PRKCE: variants seen among roughly 807,000 people sequenced by gnomAD.
PRKCE encodes the protein protein kinase C epsilon type.
A neutral mutation model predicts 85.4 loss-of-function variants in PRKCE; 16 were observed. The ratio of observed to expected loss-of-function variants is 0.19; its 90% confidence interval spans 0.13 to 0.28. The LOEUF (loss-of-function observed/expected upper bound fraction) is 0.28. PRKCE is among the 10% of genes least tolerant of loss of function. PRKCE has a pLI of 1.00. For synonymous variants in PRKCE, 388 were observed against 371.5 expected, an observed-to-expected ratio of 1.04 and a Z score of -0.51; for missense variants, 573 against 975.2, an observed-to-expected ratio of 0.59 and a Z score of 5.49.
At position 45,767,552 on chromosome 2, in the gene PRKCE, T is replaced by C. The variant is rs891508673; in HGVS notation, c.349-75448T>C. Reference sequence around the variant, plus strand: ...GAAGGCACTGGTTTGGGCTTTGTAATACTGAAGGCTTTACACCCAGAAGAA... The same window carrying C: ...GAAGGCACTGGTTTGGGCTTTGTAACACTGAAGGCTTTACACCCAGAAGAA... On this transcript the variant is annotated intron_variant, in intron 1 of 14. Transcript: ENST00000306156. Among the ~76,000 whole-genome samples the C allele has an allele frequency of 6.6e-5, 10 of 152,252 alleles. 1 individual carries two copies. Among genetic ancestry groups the C allele is most frequent in the African/African-American group, 2.4e-4 (10 of 41,468 alleles).
At chr2:45,974,798 G>A (rs1035473861) in intron 2 of PRKCE, among the ~76,000 whole-genome samples, 7 of 152,126 alleles carry the variant, frequency 4.6e-5, no homozygotes, top group African/African-American at 1.2e-4. Context: ...TCAGGCACTC[G>A]CTGATGCCTG....
At chr2:45,710,210 A>T (rs1679498157) in intron 1 of PRKCE, among the ~76,000 whole-genome samples, 1 of 152,250 alleles carries the variant, frequency 6.6e-6, no homozygotes, top group South Asian at 2.1e-4. Flanking sequence ...TGATGTAGGT[A>T]CTATCACTAT....
intron 11 of PRKCE, among the ~76,000 whole-genome samples, chr2:46,117,741 A>G (rs1252830849): frequency 1.3e-5 from 2 of 152,202 alleles, no homozygotes; most frequent in Non-Finnish European, 2.9e-5. Flanking sequence ...ACTTGGGAAA[A>G]CACATAGGAA....
At chr2:45,728,464 C>T (rs73926038) in intron 1 of PRKCE, among the ~76,000 whole-genome samples, 36 of 152,292 alleles carry the variant, frequency 2.4e-4, no homozygotes, top group African/African-American at 7.2e-4. Flanking sequence ...CCCAAACACA[C>T]GCACTCTTCA....
At chr2:45,869,049 G>A (rs1236298576) in intron 2 of PRKCE, among the ~76,000 whole-genome samples, 1 of 152,052 alleles carries the variant, frequency 6.6e-6, no homozygotes, top group Non-Finnish European at 1.5e-5. Flanking sequence ...GCGTGGTCAG[G>A]CAAAGAAAAA....
intron 1 of PRKCE, among the ~76,000 whole-genome samples, chr2:45,720,633 G>C (rs911707588): frequency 6.6e-6 from 1 of 152,148 alleles, no homozygotes; most frequent in Non-Finnish European, 1.5e-5. Context: ...CCTCTGGTGA[G>C]ACCCAAACTT....
In PRKCE at chr2:45,984,589, G is replaced by A. The variant is rs781493673; in HGVS notation, c.732G>A (p.Lys244=). ...SQRFSVNMPH[K]FGIHNYKVPT... Reference sequence around the variant, plus strand: ...GGTTCAGCGTCAACATGCCCCACAAGTTCGGTATCCACAACTACAAGGTCC... The same window carrying A: ...GGTTCAGCGTCAACATGCCCCACAAATTCGGTATCCACAACTACAAGGTCC... The change falls in exon 6 of 15, where the codon AAG becomes AAA. Residue 244 remains lysine (K), a synonymous_variant. Coordinates refer to ENST00000306156, the MANE Select transcript of PRKCE (RefSeq NM_005400.3). The A allele has an allele frequency of 2.5e-6, 4 of 1,599,818 alleles. No individual in the cohort carries two copies. Among genetic ancestry groups the A allele is most frequent in the Non-Finnish European group, 3.4e-6 (4 of 1,179,918 alleles).
intron 10 of PRKCE, among the ~76,000 whole-genome samples, chr2:46,046,304 G>A (rs1055014090): frequency 2.0e-5 from 3 of 152,188 alleles, no homozygotes; most frequent in Non-Finnish European, 4.4e-5. Context: ...CTAGCCGTTG[G>A]ATATAGGCTC....
At chr2:46,022,336 A>C (rs1056992592) in intron 10 of PRKCE, among the ~76,000 whole-genome samples, 1 of 152,222 alleles carries the variant, frequency 6.6e-6, no homozygotes, top group African/African-American at 2.4e-5. Flanking sequence ...GACCTGTGAC[A>C]ATGCAATTCA....
At chr2:45,965,677 T>A (rs1480435832) in intron 2 of PRKCE, among the ~76,000 whole-genome samples, 1 of 152,248 alleles carries the variant, frequency 6.6e-6, no homozygotes, top group East Asian at 1.9e-4. Context: ...CCTAGAACAT[T>A]GCCTGGAATC....
At chr2:45,773,313 C>T (rs542784779) in intron 1 of PRKCE, among the ~76,000 whole-genome samples, 2 of 152,278 alleles carry the variant, frequency 1.3e-5, no homozygotes, top group Admixed American at 6.5e-5. Flanking sequence ...TTCTGGCCAG[C>T]TGTGTGACAT....
At chr2:45,781,302 A>C (rs1443322498) in intron 1 of PRKCE, among the ~76,000 whole-genome samples, 1 of 152,212 alleles carries the variant, frequency 6.6e-6, no homozygotes, top group Non-Finnish European at 1.5e-5. Flanking sequence ...GCACCATTGC[A>C]TTCCGGCATG....
At chr2:45,881,014 G>A (rs1253679163) in intron 2 of PRKCE, among the ~76,000 whole-genome samples, 4 of 151,386 alleles carry the variant, frequency 2.6e-5, no homozygotes, top group South Asian at 2.1e-4. Context: ...TTAGCTGGGC[G>A]TAGTGGCGGG....
intron 9 of PRKCE, among the ~76,000 whole-genome samples, chr2:46,009,153 T>C (rs1705451089): frequency 6.6e-6 from 1 of 152,192 alleles, no homozygotes; most frequent in Non-Finnish European, 1.5e-5. Context: ...TTAGCTCTCT[T>C]GAAAAGGAAT....
At chr2:46,024,672 G>A (rs1270475410) in intron 10 of PRKCE, among the ~76,000 whole-genome samples, 3 of 152,152 alleles carry the variant, frequency 2.0e-5, no homozygotes, top group Admixed American at 1.3e-4. Flanking sequence ...GAAGGAGGGT[G>A]GAAGGTCCAG....
intron 2 of PRKCE, among the ~76,000 whole-genome samples, chr2:45,874,237 TC>T (rs1243891314): frequency 1.3e-5 from 2 of 152,206 alleles, no homozygotes. Context: ...TTCTCCTGGT[TC>T]CTCCCTTCAT....
intron 2 of PRKCE, among the ~76,000 whole-genome samples, chr2:45,886,742 C>A (rs777229210): frequency 6.6e-6 from 1 of 152,140 alleles, no homozygotes; most frequent in Admixed American, 6.5e-5. Context: ...AGCTCGTAAA[C>A]CTTTTTCTTT....
intron 2 of PRKCE, among the ~76,000 whole-genome samples, chr2:45,949,613 C>T (rs1242433974): frequency 6.6e-6 from 1 of 151,422 alleles, no homozygotes; most frequent in Non-Finnish European, 1.5e-5. Flanking sequence ...TTTAATAAAT[C>T]TTCCCCTATC....
intron 1 of PRKCE, among the ~76,000 whole-genome samples, chr2:45,653,450 G>T (rs905599030): frequency 7.8e-6 from 1 of 128,158 alleles, no homozygotes; most frequent in Non-Finnish European, 1.6e-5. Flanking sequence ...GTGTTTTCAG[G>T]TTTGTTACAT....
Sources: gnomAD v4.1 joint callset for allele counts (sites outside exome capture counted in the v4.1 genomes callset) on GRCh38, gnomAD v4.1.1 for gene constraint, MANE v1.5 for transcripts, NCBI Gene and HGNC (gene_info 2026-07-23, HGNC 2026-07-21) for gene names.